The following NLRP1 variants were observed in gnomAD, a reference collection of about 807,000 sequenced individuals.
NLRP1 encodes the protein NLR family pyrin domain containing 1.
In NLRP1, 94 loss-of-function variants were observed where a neutral mutation model predicts 136.7. That is an observed-to-expected ratio of 0.69 (90% CI 0.58 to 0.82). The LOEUF (loss-of-function observed/expected upper bound fraction) is 0.82, where lower values mean the gene tolerates loss of function less well. NLRP1 is among the 40% of genes least tolerant of loss of function. The probability of loss-of-function intolerance (pLI) is 0.00; values close to 1 mark genes in which losing one functional copy is unlikely to be tolerated. For missense variants in NLRP1, 1,575 were observed against 1,802.7 expected, an observed-to-expected ratio of 0.87 and a Z score of 2.29; for synonymous variants, 690 against 725.1, an observed-to-expected ratio of 0.95 and a Z score of 0.78.
chr17:5,505,022 C>T (rs1053144635), intron 15 of NLRP1: 3 of 152,254 alleles, frequency 2.0e-5, no homozygotes, highest in African/African-American at 7.2e-5. Context: ...TATTTGTTAT[C>T]CTGGAAACCA....
At chr17:5,554,725 CAT>C (rs1913822037) in intron 4 of NLRP1, among the ~76,000 whole-genome samples, 2 of 152,206 alleles carry the variant, frequency 1.3e-5, no homozygotes, top group African/African-American at 4.8e-5. Flanking sequence ...GTACTACAAA[CAT>C]ATAAAAAAAG....
At chr17:5,582,440 G>A (rs1905778463) in intron 2 of NLRP1, among the ~76,000 whole-genome samples, 1 of 152,134 alleles carries the variant, frequency 6.6e-6, no homozygotes. Flanking sequence ...TGACCCACAT[G>A]GGTCTCAGCT....
At chr17:5,547,051 C>T (rs1363858188) in intron 5 of NLRP1, among the ~76,000 whole-genome samples, 1 of 152,202 alleles carries the variant, frequency 6.6e-6, no homozygotes. Context: ...CCACTGCTAA[C>T]TATGTGAATT....
chr17:5,531,278 C>G (rs942942578), intron 11 of NLRP1, among the ~76,000 whole-genome samples: 2 of 151,946 alleles, frequency 1.3e-5, no homozygotes, highest in Non-Finnish European at 2.9e-5. Context: ...CGCAGTGGCC[C>G]GATCTTGGTT....
Position 5,567,000 on chromosome 17 carries a change from T to C in NLRP1, c.653-6957A>G. Among the ~76,000 whole-genome samples, 2 of 152,256 alleles carry C rather than the reference T, an allele frequency of 1.3e-5. 1 individual carries two copies. The highest frequency in any genetic ancestry group is 2.9e-5 in the Non-Finnish European group (2 of 67,978). Reference sequence around the variant, plus strand: ...TATAGTGACTTCTGCTCTTTTTTGTTTTCCACTGGCATGTAATATATTTTT... The same window carrying C: ...TATAGTGACTTCTGCTCTTTTTTGTCTTCCACTGGCATGTAATATATTTTT... On this transcript the variant is annotated intron_variant, in intron 3 of 16. Coordinates refer to ENST00000572272, the MANE Select transcript of NLRP1 (RefSeq NM_033004.4).
intron 5 of NLRP1, among the ~76,000 whole-genome samples, chr17:5,543,739 G>T (rs1393855817): frequency 6.6e-6 from 1 of 152,106 alleles, no homozygotes; most frequent in Non-Finnish European, 1.5e-5. Context: ...GGTCTGTGGG[G>T]GAGGATGAGC....
Position 5,514,544 on chromosome 17 carries a change from CCT to C in NLRP1, c.*208_*209del. The C allele has an allele frequency of 7.0e-7, 1 of 1,421,358 alleles. No homozygotes were observed. 88.0% of individuals were successfully genotyped at this position (1,421,358 alleles called of 1,614,324 possible). A position where few individuals can be genotyped will look rare whatever the true frequency, so the allele number is the denominator to read the frequency against. On this transcript the variant is annotated 3_prime_UTR_variant, in exon 17 of 17. Coordinates refer to ENST00000572272, the MANE Select transcript of NLRP1 (RefSeq NM_033004.4). ...TCTTGCCAGCTCCAGATGGACATTC[CCT>C]GAGATGCTGTTAGGCCACCTGGACT...
At chr17:5,530,379 T>A (rs1597408742) in intron 12 of NLRP1, 102 bp downstream of exon 12, 1 of 1,064,344 alleles carries the variant, frequency 9.4e-7, no homozygotes, top group Non-Finnish European at 1.4e-6. Context: ...TCGGCCCCTC[T>A]AAGGAAGCCA....
At chr17:5,545,366 A>ACACC (rs1207938903) in intron 5 of NLRP1, among the ~76,000 whole-genome samples, 3 of 151,244 alleles carry the variant, frequency 2.0e-5, no homozygotes, top group East Asian at 3.9e-4. Context: ...ACAGACACCC[A>ACACC]CACAGACACA....
chr17:5,545,294 CG>C (rs2050586860), intron 5 of NLRP1, among the ~76,000 whole-genome samples: 2 of 151,540 alleles, frequency 1.3e-5, no homozygotes, highest in Non-Finnish European at 2.9e-5. Context: ...GGTGACAGAG[CG>C]AAACCCCAAT....
At chr17:5,560,674 A>T (rs1914633356) in intron 3 of NLRP1, among the ~76,000 whole-genome samples, 1 of 152,178 alleles carries the variant, frequency 6.6e-6, no homozygotes, top group African/African-American at 2.4e-5. Flanking sequence ...ACACTCAGGC[A>T]TGTTCTCACC....
intron 5 of NLRP1, among the ~76,000 whole-genome samples, chr17:5,549,828 G>GT (rs1316355868): frequency 1.1e-4 from 17 of 152,170 alleles, no homozygotes; most frequent in Middle Eastern, 3.4e-3. Context: ...TTAGCTGTGG[G>GT]TTTTTTTACT....
Position 5,532,940 on chromosome 17 carries a change from G to C in NLRP1, c.3178C>G (p.Pro1060Ala). 6.2e-7 allele frequency: 1 copy of C among 1,613,972 alleles called. No individual in the cohort carries two copies. The highest frequency in any genetic ancestry group is 1.1e-5 in the South Asian group (1 of 91,058). Reference protein sequence around the residue: ...EVVPVELLCVPSPASQGDLHT... With the variant: ...EVVPVELLCVASPASQGDLHT... ...AGGTCCCCTTGAGAGGCAGGAGAAG[G>C]CACGCACAAGAGTTCCACCGGTACT... is the stretch of plus-strand genomic sequence containing the variant. The change falls in exon 11 of 17, where the codon CCT (proline) becomes GCT (alanine). Residue 1060 changes from proline to alanine, a missense_variant. Physicochemically the swap from Pro to Ala is conservative, Grantham distance 27. Coordinates refer to ENST00000572272, the MANE Select transcript of NLRP1 (RefSeq NM_033004.4).
chr17:5,541,730 C>A lies in NLRP1; in HGVS notation c.2699+127G>T. The A allele has an allele frequency of 2.1e-6, 2 of 934,682 alleles. No individual in the cohort carries two copies. The highest frequency in any genetic ancestry group is 3.3e-6 in the Non-Finnish European group (2 of 615,074). The allele number at this position is 934,682 out of a possible 1,614,324, so 57.9% of individuals were successfully genotyped here. A position where few individuals can be genotyped will look rare whatever the true frequency, so the allele number is the denominator to read the frequency against. On this transcript the variant is annotated intron_variant, in intron 6 of 16. Coordinates refer to ENST00000572272, the MANE Select transcript of NLRP1 (RefSeq NM_033004.4). The surrounding 1 kb of genome is among the most constrained non-coding windows in gnomAD (Gnocchi z 4.2). Reference sequence around the variant, plus strand: ...TTCCTCCTGAGCCTCTACTGCCTGGCTGAGATCCTGTAGGCTCCTCCCACT... The same window carrying A: ...TTCCTCCTGAGCCTCTACTGCCTGGATGAGATCCTGTAGGCTCCTCCCACT...
rs1388671158 is a variant in NLRP1, at chr17:5,583,869, T to C, written c.89A>G (p.Asn30Ser). ...CGAAGAGCTCCTGGAGTGCGCTTTA[T>C]TGGCGAGCAGAAGCTGGAACTCCTT... ...ELKEFQLLLA[N>S]KAHSRSSSGE... The change falls in exon 1 of 17, where the codon AAT becomes AGT. Residue 30 changes from asparagine (N) to serine (S), a missense_variant. Asn to Ser is a conservative substitution (Grantham distance 46). Transcript: ENST00000572272. The surrounding 1 kb of genome is among the most constrained non-coding windows in gnomAD (Gnocchi z 4.5). 4.4e-6 allele frequency: 7 copies of C among 1,586,254 alleles called. No homozygotes were observed. Among genetic ancestry groups the C allele is most frequent in the Non-Finnish European group, 5.2e-6 (6 of 1,164,226 alleles).
chr17:5,523,248 T>C (rs1474199509), intron 12 of NLRP1, among the ~76,000 whole-genome samples: 1 of 152,148 alleles, frequency 6.6e-6, no homozygotes, highest in Non-Finnish European at 1.5e-5. Context: ...AGTGTGCTGC[T>C]GCATTCTAGC....
chr17:5,533,801 C>A (rs1427731285), intron 9 of NLRP1, 96 bp downstream of exon 9: 1 of 829,620 alleles, frequency 1.2e-6, no homozygotes, highest in Non-Finnish European at 2.0e-6. Context: ...CTGCCCCGTC[C>A]CACATCAGGG....
downstream of NLRP1, among the ~76,000 whole-genome samples, chr17:5,512,772 C>T (rs1470823939): frequency 6.6e-6 from 1 of 152,212 alleles, no homozygotes; most frequent in South Asian, 2.1e-4. Context: ...GGTCCCACAA[C>T]TGCTGGAGCT....
In NLRP1 at chr17:5,556,108, C is replaced by T. The variant is rs574067532; in HGVS notation, c.2357+2231G>A. 1.4e-3 allele frequency among the ~76,000 whole-genome samples: 190 copies of T among 135,652 alleles called. 1 individual carries two copies. Among genetic ancestry groups the T allele is most frequent in the African/African-American group, 5.1e-3 (183 of 36,182 alleles). The allele number at this position is 135,652 out of a possible 152,430, so 89.0% of individuals were successfully genotyped here. A position where few individuals can be genotyped will look rare whatever the true frequency, so the allele number is the denominator to read the frequency against. On this transcript the variant is annotated intron_variant, in intron 4 of 16. Coordinates refer to ENST00000572272, the MANE Select transcript of NLRP1 (RefSeq NM_033004.4). ...ACTCTGTCTGTCTCTGTCTCTGTCT[C>T]TCTCTCTACACACACACACACACAC...
Sources: allele counts gnomAD v4.1 joint callset (sites outside exome capture counted in the v4.1 genomes callset), GRCh38; gene constraint gnomAD v4.1.1; non-coding constraint Gnocchi (gnomAD v3.1); transcripts MANE v1.5; gene names NCBI Gene and HGNC (gene_info 2026-07-23, HGNC 2026-07-21).